Variants in SCAMP1 observed in about 807,000 individuals in gnomAD.
SCAMP1 encodes the protein secretory carrier-associated membrane protein 1.
SCAMP1 carries 15 observed loss-of-function variants against 41.8 expected under a neutral mutation model. The observed-to-expected ratio is 0.36, with a 90% confidence interval of 0.24 to 0.55. SCAMP1 has a LOEUF of 0.55. SCAMP1 is among the 20% of genes least tolerant of loss of function. The pLI is 0.86. For synonymous variants in SCAMP1, 135 were observed against 136.8 expected, an observed-to-expected ratio of 0.99 and a Z score of 0.09; for missense variants, 341 against 412.6, an observed-to-expected ratio of 0.83 and a Z score of 1.50.
chr5:78,450,605 G>T (rs1265375493), intron 7 of SCAMP1, among the ~76,000 whole-genome samples: 3 of 152,126 alleles, frequency 2.0e-5, no homozygotes, highest in African/African-American at 7.2e-5. Flanking sequence ...AGCAGATTTA[G>T]GTCTCTCTTT....
At chr5:78,432,567 C>G (rs1752649902) in intron 6 of SCAMP1, among the ~76,000 whole-genome samples, 1 of 152,070 alleles carries the variant, frequency 6.6e-6, no homozygotes, top group African/African-American at 2.4e-5. Flanking sequence ...GGCTAGAAGT[C>G]CACTATAATT....
chr5:78,454,720 C>G (rs1461189790), intron 7 of SCAMP1, among the ~76,000 whole-genome samples: 348 of 152,196 alleles, frequency 2.3e-3, no homozygotes, highest in African/African-American at 7.9e-3. Flanking sequence ...GGAGGATTCC[C>G]TCTTTTTCTA....
intron 8 of SCAMP1, among the ~76,000 whole-genome samples, chr5:78,460,523 T>C (rs1298613560): frequency 6.6e-6 from 1 of 152,128 alleles, no homozygotes; most frequent in East Asian, 1.9e-4. Flanking sequence ...TTTTCTTCCA[T>C]TTGTTGGCTG....
intron 6 of SCAMP1, among the ~76,000 whole-genome samples, chr5:78,432,051 T>C (rs1398031494): frequency 6.6e-6 from 1 of 152,078 alleles, no homozygotes; most frequent in Admixed American, 6.6e-5. Flanking sequence ...AAATACTAAG[T>C]TACTCATTCT....
At position 78,475,770 on chromosome 5, in the gene SCAMP1, A is replaced by G; in HGVS notation, c.*102A>G. ...GTTCAAAACACACAGTACAGACAGCATGGATATTTCCTGTTCACTTGTGCA... is the reference window on the plus strand; with the variant it reads ...GTTCAAAACACACAGTACAGACAGCGTGGATATTTCCTGTTCACTTGTGCA... On this transcript the variant is annotated 3_prime_UTR_variant, in exon 9 of 9. Transcript: ENST00000621999. 1.1e-6 allele frequency: 1 copy of G among 897,420 alleles called. No homozygotes were observed. Among genetic ancestry groups the G allele is most frequent in the South Asian group, 3.2e-5 (1 of 31,092 alleles). The allele number at this position is 897,420 out of a possible 1,614,324, so 55.6% of individuals were successfully genotyped here.
chr5:78,388,506 A>G (rs1462921304), intron 1 of SCAMP1, among the ~76,000 whole-genome samples: 1 of 152,242 alleles, frequency 6.6e-6, no homozygotes, highest in Non-Finnish European at 1.5e-5. Context: ...TCGAGGCCAA[A>G]GGAAATGATG....
chr5:78,408,220 C>T (rs940822222), intron 2 of SCAMP1, among the ~76,000 whole-genome samples: 8 of 152,110 alleles, frequency 5.3e-5, no homozygotes, highest in Non-Finnish European at 8.8e-5. Context: ...AGCAAAGGCA[C>T]GTGTTACCTG....
chr5:78,445,624 T>A (rs1369553990), intron 6 of SCAMP1, among the ~76,000 whole-genome samples: 1 of 151,992 alleles, frequency 6.6e-6, no homozygotes, highest in East Asian at 1.9e-4. Flanking sequence ...AAGTTCTTCT[T>A]CCCCTGATGA....
At position 78,475,795 on chromosome 5, in the gene SCAMP1, A is replaced by T. The variant is rs987702537; in HGVS notation, c.*127A>T. ...ATGGATATTTCCTGTTCACTTGTGC[A>T]TGGGCTAAAACCAGGAAAACTTCCT... is the stretch of plus-strand genomic sequence containing the variant. On this transcript the variant is annotated 3_prime_UTR_variant, in exon 9 of 9. Coordinates refer to ENST00000621999, the MANE Select transcript of SCAMP1 (RefSeq NM_004866.6). The T allele has an allele frequency of 2.1e-5, 14 of 677,212 alleles. No homozygotes were observed. The African/African-American group carries it at 2.6e-4, about 13-fold the overall frequency. The allele number at this position is 677,212 out of a possible 1,614,324, so 42.0% of individuals were successfully genotyped here. A position where few individuals can be genotyped will look rare whatever the true frequency, so the allele number is the denominator to read the frequency against.
At chr5:78,418,164 A>G (rs2112141362) in intron 4 of SCAMP1, among the ~76,000 whole-genome samples, 1 of 152,192 alleles carries the variant, frequency 6.6e-6, no homozygotes, top group African/African-American at 2.4e-5. Flanking sequence ...CAGCTTCCTT[A>G]TCATGACTGT....
intron 1 of SCAMP1, among the ~76,000 whole-genome samples, chr5:78,367,135 T>G (rs1039248038): frequency 2.6e-5 from 4 of 152,132 alleles, no homozygotes; most frequent in Admixed American, 2.6e-4. Context: ...TCCTGCTCAT[T>G]TTTCCTCATG....
chr5:78,382,352 T>C (rs1751223752), intron 1 of SCAMP1, among the ~76,000 whole-genome samples: 1 of 152,224 alleles, frequency 6.6e-6, no homozygotes, highest in Non-Finnish European at 1.5e-5. Flanking sequence ...GTTGATTTTG[T>C]TGAGATATTC....
At chr5:78,467,993 G>A (rs78554653) in intron 8 of SCAMP1, among the ~76,000 whole-genome samples, 4,336 of 152,140 alleles carry the variant, frequency 0.029, 224 homozygotes, top group African/African-American at 0.097. Context: ...ATCTGTGCAC[G>A]GTTTTGACTC....
At chr5:78,376,033 C>T (rs1338503745) in intron 1 of SCAMP1, among the ~76,000 whole-genome samples, 3 of 152,094 alleles carry the variant, frequency 2.0e-5, no homozygotes, top group Admixed American at 1.3e-4. Flanking sequence ...TCAGGGACCC[C>T]GACTGTTCAT....
Position 78,425,907 on chromosome 5 carries a change from G to A in SCAMP1, c.632+3947G>A, listed in dbSNP as rs1053489354. Among the ~76,000 whole-genome samples the A allele has an allele frequency of 9.2e-5, 14 of 151,390 alleles. No homozygotes were observed. The South Asian group carries it at 1.5e-3, about 16-fold the overall frequency. ...ACCCATCATCCAGGTTTTAAGCCCC[G>A]CGTGCATTAGGTATTTGTCCTAATG... On this transcript the variant is annotated intron_variant, in intron 6 of 8. Coordinates refer to ENST00000621999, the MANE Select transcript of SCAMP1 (RefSeq NM_004866.6).
chr5:78,426,720 T>G (rs1580685932), intron 6 of SCAMP1, among the ~76,000 whole-genome samples: 1 of 152,370 alleles, frequency 6.6e-6, no homozygotes, highest in Middle Eastern at 3.4e-3. Context: ...TGCACACAAT[T>G]CTCATTCCTT....
intron 7 of SCAMP1, among the ~76,000 whole-genome samples, chr5:78,450,957 A>G (rs1018067594): frequency 6.6e-6 from 1 of 152,216 alleles, no homozygotes; most frequent in Non-Finnish European, 1.5e-5. Flanking sequence ...CAGATAAAGT[A>G]GTTTTTATTA....
chr5:78,431,108 A>G (rs891473089), intron 6 of SCAMP1, among the ~76,000 whole-genome samples: 1 of 152,044 alleles, frequency 6.6e-6, no homozygotes, highest in Non-Finnish European at 1.5e-5. Flanking sequence ...AACGTATTGT[A>G]TAACAGATTG....
intron 2 of SCAMP1, among the ~76,000 whole-genome samples, chr5:78,404,112 T>C (rs1751868742): frequency 1.8e-5 from 1 of 54,074 alleles, no homozygotes; most frequent in African/African-American, 7.6e-5. Flanking sequence ...TGAGACCCTG[T>C]CTCAAAAAAA....
Sources: allele counts gnomAD v4.1 joint callset (sites outside exome capture counted in the v4.1 genomes callset), GRCh38; gene constraint gnomAD v4.1.1; transcripts MANE v1.5; gene names NCBI Gene and HGNC (gene_info 2026-07-23, HGNC 2026-07-21).